Variants in RHBDD1 observed in about 807,000 individuals in gnomAD.
RHBDD1 encodes rhomboid domain containing 1.
A neutral mutation model predicts 36.3 loss-of-function variants in RHBDD1; 38 were observed. That is an observed-to-expected ratio of 1.05 (90% confidence interval 0.81 to 1.37). The LOEUF (loss-of-function observed/expected upper bound fraction) is 1.37, where lower values mean the gene tolerates loss of function less well. Among genes scored for constraint, RHBDD1 ranks in the 40% most tolerant of loss-of-function variants. RHBDD1 has a pLI of 0.00. For missense variants in RHBDD1, 393 were observed against 377.6 expected (o/e 1.04, Z -0.34); for synonymous variants, 151 against 136.5 (o/e 1.11, Z -0.74).
chr2:226,923,478 A>G (rs1281241394), intron 8 of RHBDD1, among the ~76,000 whole-genome samples: 2 of 152,026 alleles, frequency 1.3e-5, no homozygotes, highest in African/African-American at 4.8e-5. Context: ...GAGTTTGATT[A>G]TTAAATGTCT....
chr2:226,810,341 A>T, the RHBDD1 span, among the ~76,000 whole-genome samples: 46 of 152,024 alleles, frequency 3.0e-4, no homozygotes, highest in African/African-American at 1.1e-3. Flanking sequence ...GGAATTCGAG[A>T]TCAGCCTGGC....
chr2:226,815,362 G>A, the RHBDD1 span, among the ~76,000 whole-genome samples: 2 of 152,180 alleles, frequency 1.3e-5, no homozygotes, highest in African/African-American at 2.4e-5. Context: ...ATAATATTTT[G>A]TCATGAATGC....
chr2:226,891,009 C>T (rs906898520), intron 5 of RHBDD1, among the ~76,000 whole-genome samples: 9 of 152,256 alleles, frequency 5.9e-5, no homozygotes, highest in South Asian at 2.1e-4. Flanking sequence ...CCACCCCCAA[C>T]GCCTGTTTTG....
At chr2:226,849,316 C>G (rs1041178604) in intron 3 of RHBDD1, among the ~76,000 whole-genome samples, 5 of 152,202 alleles carry the variant, frequency 3.3e-5, no homozygotes, top group African/African-American at 7.2e-5. Context: ...GATGAAGATT[C>G]CCTGGTGACA....
At chr2:226,895,923 A>G in intron 5 of RHBDD1, 1 of 560,238 alleles carries the variant, frequency 1.8e-6, no homozygotes, top group Non-Finnish European at 2.3e-6. Context: ...AATTACTGAA[A>G]CACTATTATA....
intron 5 of RHBDD1, chr2:226,869,135 T>G (rs1254327893): frequency 1.0e-6 from 1 of 982,822 alleles, no homozygotes; most frequent in African/African-American, 1.7e-5. Context: ...TGCATTTCAT[T>G]TTTTAGGGTT....
At chr2:226,969,131 T>C in intron 8 of RHBDD1, 1 of 170,048 alleles carries the variant, frequency 5.9e-6, no homozygotes, top group Non-Finnish European at 1.3e-5. Flanking sequence ...CACTGAGGTG[T>C]TTTATAGTCA....
chr2:226,928,331 A>T (rs1247859381), intron 8 of RHBDD1, among the ~76,000 whole-genome samples: 1 of 152,138 alleles, frequency 6.6e-6, no homozygotes, highest in African/African-American at 2.4e-5. Flanking sequence ...GTAAAACTAG[A>T]AATCAGTTCT....
the RHBDD1 span, among the ~76,000 whole-genome samples, chr2:226,813,448 AG>A: frequency 3.9e-5 from 6 of 152,286 alleles, no homozygotes; most frequent in South Asian, 1.0e-3. Flanking sequence ...GACTGGAGAC[AG>A]GGGGGCTATT....
rs1960092041 is a variant in RHBDD1, at chr2:226,998,550, A to T, written c.*3028A>T. 1.3e-5 allele frequency: 2 copies of T among 152,162 alleles called. No individual in the cohort carries two copies. The highest frequency in any genetic ancestry group is 2.9e-5 in the Non-Finnish European group (2 of 68,036). The allele number at this position is 152,162 out of a possible 1,614,324, so 9.4% of individuals were successfully genotyped here. A position where few individuals can be genotyped will look rare whatever the true frequency, so the allele number is the denominator to read the frequency against. The stretch of plus-strand genomic sequence containing the variant: ...TAACTTCTTCCTTTCCCTTCCCATG[A>T]ATCATTGCAGTCATTCCCTAAGTTT... On this transcript the variant is annotated 3_prime_UTR_variant, in exon 9 of 9. Transcript: ENST00000392062.
the RHBDD1 span, among the ~76,000 whole-genome samples, chr2:226,813,458 T>C: frequency 6.6e-6 from 1 of 152,146 alleles, no homozygotes; most frequent in African/African-American, 2.4e-5. Context: ...AGGGGGGCTA[T>C]TGTCATGCAG....
At chr2:226,803,551 C>T in the RHBDD1 span, among the ~76,000 whole-genome samples, 1 of 152,310 alleles carries the variant, frequency 6.6e-6, no homozygotes, top group South Asian at 2.1e-4. Flanking sequence ...ATATCAAAGA[C>T]ATGCTGCCCA....
chr2:226,896,776 C>G (rs1160683959), intron 5 of RHBDD1, among the ~76,000 whole-genome samples: 1 of 119,146 alleles, frequency 8.4e-6, no homozygotes, highest in Non-Finnish European at 2.0e-5. Flanking sequence ...GCACCCTGTG[C>G]CCATATTTCT....
At chr2:226,943,836 A>G (rs1176352705) in intron 8 of RHBDD1, among the ~76,000 whole-genome samples, 1 of 152,178 alleles carries the variant, frequency 6.6e-6, no homozygotes, top group Non-Finnish European at 1.5e-5. Flanking sequence ...GCTGCATTTC[A>G]TCCCCCTTTG....
chr2:226,841,307 T>C (rs538077095), intron 3 of RHBDD1, among the ~76,000 whole-genome samples: 1 of 152,164 alleles, frequency 6.6e-6, no homozygotes, highest in South Asian at 2.1e-4. Context: ...TAATTTTTTT[T>C]TCTTCAGCTT....
chr2:226,909,018 C>A, intron 7 of RHBDD1, 140 bp downstream of exon 7: 2 of 595,466 alleles, frequency 3.4e-6, no homozygotes, highest in Non-Finnish European at 6.0e-6. Context: ...CTCTAACACA[C>A]CTGGAAGCTA....
At chr2:226,952,139 G>A (rs1379898332) in intron 8 of RHBDD1, among the ~76,000 whole-genome samples, 2 of 152,126 alleles carry the variant, frequency 1.3e-5, no homozygotes, top group Non-Finnish European at 2.9e-5. Flanking sequence ...AGCTCCCCAG[G>A]TGATACTAAC....
At chr2:226,910,210 G>GAGAAC (rs1948424283) in intron 7 of RHBDD1, among the ~76,000 whole-genome samples, 1 of 152,190 alleles carries the variant, frequency 6.6e-6, no homozygotes, top group Admixed American at 6.5e-5. Context: ...GAGGACTGAA[G>GAGAAC]AGAACAGCTT....
chr2:226,984,132 G>A (rs1047615289), intron 8 of RHBDD1, among the ~76,000 whole-genome samples: 2 of 152,234 alleles, frequency 1.3e-5, no homozygotes, highest in Non-Finnish European at 2.9e-5. Context: ...TCTGTTCACC[G>A]CTCTGATCAC....
Sources: allele counts gnomAD v4.1 joint callset (sites outside exome capture counted in the v4.1 genomes callset), GRCh38; gene constraint gnomAD v4.1.1; transcripts MANE v1.5; gene names NCBI Gene and HGNC (gene_info 2026-07-23, HGNC 2026-07-21).